The following BRPF1 variants were observed in gnomAD, a reference collection of about 807,000 sequenced individuals.
The protein encoded by BRPF1 is bromodomain and PHD finger containing 1, also known as peregrin.
BRPF1 carries 15 observed loss-of-function variants against 115.0 expected under a neutral mutation model. That is an observed-to-expected ratio of 0.13 (90% confidence interval 0.09 to 0.20). The LOEUF (loss-of-function observed/expected upper bound fraction) is 0.20. BRPF1 is among the 10% of genes least tolerant of loss of function. The pLI, the probability that BRPF1 is intolerant of heterozygous loss-of-function variation, is 1.00. For synonymous variants in BRPF1, 647 were observed against 619.8 expected, an observed-to-expected ratio of 1.04 and a Z score of -0.65; for missense variants, 1,118 against 1,638.3, an observed-to-expected ratio of 0.68 and a Z score of 5.48.
At position 9,739,046 on chromosome 3, in the gene BRPF1, A is replaced by G; in HGVS notation, c.647A>G (p.Asp216Gly). 1 of 1,605,842 alleles carries G rather than the reference A, an allele frequency of 6.2e-7. No homozygotes were observed. The highest frequency in any genetic ancestry group is 8.5e-7 in the Non-Finnish European group (1 of 1,174,594). Residue 216 changes from aspartate (D) to glycine (G), a missense_variant, in exon 3 of 14, where the codon GAC becomes GGC. Physicochemically the swap from Asp to Gly is moderately conservative, Grantham distance 94. This residue lies in a region of BRPF1 where 280 missense variants were observed against 382.8 expected (regional missense o/e 0.73). Transcript: ENST00000383829. ...GAGCTGGACGAGGAAGTAGAGTATG[A>G]CATGGACGAGGAGGACTACATCTGG... Reference protein sequence around the residue: ...AEELDEEVEYDMDEEDYIWLD... With the variant: ...AEELDEEVEYGMDEEDYIWLD...
rs768593678 is a variant in BRPF1, at chr3:9,738,999, G to A, written c.600G>A (p.Arg200=). 4 of 1,556,310 alleles carry A rather than the reference G, an allele frequency of 2.6e-6. No homozygotes were observed. The highest frequency in any genetic ancestry group is 1.7e-6 in the Non-Finnish European group (2 of 1,149,484). ...GCTGAGTTCCCTGTTTGTACCGTAG[G>A]TACATCGAGAAGTCTGCAGAGGAGC... ...DAPPRPTSYY[R]YIEKSAEELD... The change falls in exon 3 of 14, where the codon CGG becomes CGA. Residue 200 remains arginine, a splice_region_variant and synonymous_variant. Transcript: ENST00000383829.
In BRPF1 at chr3:9,743,807, C is replaced by G; in HGVS notation, c.2541C>G (p.Ser847Arg). The G allele has an allele frequency of 6.2e-7, 1 of 1,611,254 alleles. No homozygotes were observed. The highest frequency in any genetic ancestry group is 2.2e-5 in the East Asian group (1 of 44,794). ...RDGPERHGPS[S>R]RGSLTPHPAA... ...GCCCTGAGCGGCATGGCCCCTCGAG[C>G]CGGGGTAGTCTGACACCCCACCCGG... Residue 847 changes from serine (S) to arginine (R), a missense_variant, in exon 8 of 14, where the codon AGC becomes AGG. Ser to Arg is a moderately radical substitution (Grantham distance 110, BLOSUM62 -1). Around this residue, in one of 10 missense-constraint regions of BRPF1, gnomAD observed 223 missense variants for 240.7 expected, o/e 0.93. Coordinates refer to ENST00000383829, the MANE Select transcript of BRPF1 (RefSeq NM_001003694.2). This position sits in a 1 kb window ranked among gnomAD's most constrained non-coding sequence, Gnocchi z 6.1.
chr3:9,743,999 T>C lies in BRPF1; in HGVS notation c.2635+98T>C. Reference sequence around the variant, plus strand: ...CCATTCCCCAGGCAGAGGTCCCTCCTACACAGCTAGCTGTACTTTCTCCCT... The same window carrying C: ...CCATTCCCCAGGCAGAGGTCCCTCCCACACAGCTAGCTGTACTTTCTCCCT... On this transcript the variant is annotated intron_variant, in intron 8 of 13. Transcript: ENST00000383829. The surrounding 1 kb of genome is among the most constrained non-coding windows in gnomAD (Gnocchi z 6.1). The C allele has an allele frequency of 7.1e-7, 1 of 1,403,626 alleles. No homozygotes were observed. Among genetic ancestry groups the C allele is most frequent in the Non-Finnish European group, 9.6e-7 (1 of 1,046,360 alleles). The allele number at this position is 1,403,626 out of a possible 1,614,324, so 86.9% of individuals were successfully genotyped here. A position where few individuals can be genotyped will look rare whatever the true frequency, so the allele number is the denominator to read the frequency against.
chr3:9,745,439 A>G lies in BRPF1; in HGVS notation c.3069-134A>G. On this transcript the variant is annotated intron_variant, in intron 10 of 13. Transcript: ENST00000383829. This position sits in a 1 kb window ranked among gnomAD's most constrained non-coding sequence, Gnocchi z 5.1. ...CAGCCTAGCCCCTGTGGGTGTTTGA[A>G]TTTGAAATTCCTCATATAGCCTCTG... The G allele has an allele frequency of 8.6e-7, 1 of 1,162,224 alleles. No individual in the cohort carries two copies. The highest frequency in any genetic ancestry group is 1.2e-6 in the Non-Finnish European group (1 of 809,898). The allele number at this position is 1,162,224 out of a possible 1,614,324, so 72.0% of individuals were successfully genotyped here. A position where few individuals can be genotyped will look rare whatever the true frequency, so the allele number is the denominator to read the frequency against.
chr3:9,736,973 T>C (rs2076952917), intron 2 of BRPF1, among the ~76,000 whole-genome samples: 2 of 152,180 alleles, frequency 1.3e-5, no homozygotes, highest in African/African-American at 4.8e-5. Flanking sequence ...TTATGCACCA[T>C]CACATAATGT....
rs758572778 is a variant in BRPF1 at position 9,743,118 on chromosome 3, C to T, written c.2176C>T (p.Arg726Trp). 2.5e-6 allele frequency: 4 copies of T among 1,614,250 alleles called. No individual in the cohort carries two copies. The highest frequency in any genetic ancestry group is 3.4e-6 in the Non-Finnish European group (4 of 1,180,044). Residue 726 changes from arginine (R) to tryptophan (W), a missense_variant, in exon 7 of 14, where the codon CGG becomes TGG. By Grantham distance (101) the Arg-to-Trp change is moderately radical (BLOSUM62 -3). Around this residue, in one of 10 missense-constraint regions of BRPF1, gnomAD observed 223 missense variants for 240.7 expected, o/e 0.93. Transcript: ENST00000383829. This position sits in a 1 kb window ranked among gnomAD's most constrained non-coding sequence, Gnocchi z 6.1. ...CACCATCTTCTACCGGGCAGCAGTGCGGCTTCGTGAGCAGGGTGGTGCTGT... is the reference window on the plus strand; with the variant it reads ...CACCATCTTCTACCGGGCAGCAGTGTGGCTTCGTGAGCAGGGTGGTGCTGT... ...KDTIFYRAAV[R>W]LREQGGAVLR...
chr3:9,736,075 G>A (rs1156332976), intron 2 of BRPF1, among the ~76,000 whole-genome samples: 3 of 122,924 alleles, frequency 2.4e-5, no homozygotes, highest in Non-Finnish European at 4.7e-5. Flanking sequence ...GCAGTGGCGT[G>A]ATCTCGGCTC....
chr3:9,740,997 C>T, intron 4 of BRPF1, 56 bp downstream of exon 4: 2 of 1,542,618 alleles, frequency 1.3e-6, no homozygotes, highest in African/African-American at 2.7e-5. Flanking sequence ...GGACGAAAAC[C>T]AAAATTTGCA....
At position 9,741,417 on chromosome 3, in the gene BRPF1, G is replaced by A; in HGVS notation, c.1832G>A (p.Arg611Gln). Reference protein sequence around the residue: ...ARLLVELIRKREKLKRETIKV... With the variant: ...ARLLVELIRKQEKLKRETIKV... ...CTGCTCGTGGAATTGATCCGCAAGCGGGAAAAACTCAAAAGGGAGACGGTG... is the reference window on the plus strand; with the variant it reads ...CTGCTCGTGGAATTGATCCGCAAGCAGGAAAAACTCAAAAGGGAGACGGTG... The change falls in exon 5 of 14, where the codon CGG becomes CAG. Residue 611 changes from arginine to glutamine, a missense_variant. Physicochemically the swap from Arg to Gln is conservative, Grantham distance 43. Coordinates refer to ENST00000383829, the MANE Select transcript of BRPF1 (RefSeq NM_001003694.2). 1 of 1,601,476 alleles carries A rather than the reference G, an allele frequency of 6.2e-7. No homozygotes were observed.
Position 9,743,327 on chromosome 3 carries a change from G to A in BRPF1, c.2311+74G>A. ...ACAGCTTTCCAAAAGTCCCCTCCTG[G>A]GAGCAGGCAGTGTAGGCAGAAAGCA... On this transcript the variant is annotated intron_variant, in intron 7 of 13. Transcript: ENST00000383829. This position sits in a 1 kb window ranked among gnomAD's most constrained non-coding sequence, Gnocchi z 6.1. 1 of 1,526,354 alleles carries A rather than the reference G, an allele frequency of 6.6e-7. No homozygotes were observed. The highest frequency in any genetic ancestry group is 8.8e-7 in the Non-Finnish European group (1 of 1,132,662). The allele number at this position is 1,526,354 out of a possible 1,614,324, so 94.6% of individuals were successfully genotyped here.
At position 9,743,771 on chromosome 3, in the gene BRPF1, G is replaced by A. The variant is rs529205829; in HGVS notation, c.2505G>A (p.Thr835=). The change falls in exon 8 of 14, where the codon ACG becomes ACA. Residue 835 remains threonine (T), a synonymous_variant. Transcript: ENST00000383829. The surrounding 1 kb of genome is among the most constrained non-coding windows in gnomAD (Gnocchi z 6.1). ...GGAAGCTTGCCCATCAGCGAGAGAC[G>A]GGACGTGATGGCCCTGAGCGGCATG... The part of the protein sequence containing the change: ...LRRKLAHQRE[T]GRDGPERHGP... 32 of 1,614,156 alleles carry A rather than the reference G, an allele frequency of 2.0e-5. No individual in the cohort carries two copies. Among genetic ancestry groups the A allele is most frequent in the South Asian group, 1.6e-4 (15 of 91,088 alleles).
At position 9,737,510 on chromosome 3, in the gene BRPF1, C is replaced by T. The variant is rs560726558; in HGVS notation, c.600-1489C>T. On this transcript the variant is annotated intron_variant, in intron 2 of 13. Coordinates refer to ENST00000383829, the MANE Select transcript of BRPF1 (RefSeq NM_001003694.2). ...GCTCAGGGAGCTTAGCTCACTTGCC[C>T]TCTGTTAGACAGCACCCAGGCAGTG... is the stretch of plus-strand genomic sequence containing the variant. 3.2e-4 allele frequency among the ~76,000 whole-genome samples: 48 copies of T among 152,334 alleles called. No homozygotes were observed. In the East Asian group the frequency reaches 8.3e-3, roughly 26 times the overall value.
chr3:9,732,574 G>A (rs1344005721), intron 1 of BRPF1: 1 of 152,286 alleles, frequency 6.6e-6, no homozygotes, highest in African/African-American at 2.4e-5. Flanking sequence ...GGGTTCCAAG[G>A]GGAGATTGCT....
chr3:9,739,648 G>A lies in BRPF1; in HGVS notation c.1249G>A (p.Ala417Thr). 1 of 1,611,658 alleles carries A rather than the reference G, an allele frequency of 6.2e-7. No homozygotes were observed. The highest frequency in any genetic ancestry group is 8.5e-7 in the Non-Finnish European group (1 of 1,177,858). Residue 417 changes from alanine (A) to threonine (T), a missense_variant, in exon 3 of 14, where the codon GCT becomes ACT. Ala to Thr is a moderately conservative substitution (Grantham distance 58). Transcript: ENST00000383829. ...TAFHVTCAQQ[A>T]GLYMKMEPVR... Reference sequence around the variant, plus strand: ...TTTCCATGTGACATGCGCCCAGCAGGCTGGCCTTTACATGAAGATGGAGCC... The same window carrying A: ...TTTCCATGTGACATGCGCCCAGCAGACTGGCCTTTACATGAAGATGGAGCC...
At chr3:9,735,275 A>C (rs2076921485) in intron 2 of BRPF1, among the ~76,000 whole-genome samples, 1 of 152,110 alleles carries the variant, frequency 6.6e-6, no homozygotes, top group South Asian at 2.1e-4. Context: ...AGCCTCCCAA[A>C]GTGCTGGGAT....
intron 9 of BRPF1, 129 bp from the exon 10 acceptor site, chr3:9,744,879 G>A: frequency 1.6e-6 from 2 of 1,285,352 alleles, no homozygotes; most frequent in South Asian, 2.4e-5. Flanking sequence ...TAGCTCTGCT[G>A]GCCAAGGTTG....
rs777903048 is a variant in BRPF1, at chr3:9,747,724, G to C, written c.*375G>C. 1 of 183,166 alleles carries C rather than the reference G, an allele frequency of 5.5e-6. No homozygotes were observed. The highest frequency in any genetic ancestry group is 1.2e-5 in the Non-Finnish European group (1 of 86,114). The allele number at this position is 183,166 out of a possible 1,614,324, so 11.3% of individuals were successfully genotyped here. ...GCCTAGAGGCCTGGGGCCCCTACCG[G>C]TCGTGAGGTGAGTGGGCATCTGTCC... On this transcript the variant is annotated 3_prime_UTR_variant, in exon 14 of 14. Transcript: ENST00000383829. The surrounding 1 kb of genome is among the most constrained non-coding windows in gnomAD (Gnocchi z 5.6).
chr3:9,741,521 C>T (rs1467509989), intron 5 of BRPF1, 82 bp downstream of exon 5: 17 of 1,394,096 alleles, frequency 1.2e-5, no homozygotes, highest in Non-Finnish European at 1.5e-5. Flanking sequence ...CCTGTAGTCC[C>T]AGCTACTCGG....
chr3:9,747,025 T>C lies in BRPF1; in HGVS notation c.3480-141T>C, dbSNP rs1353693108. On this transcript the variant is annotated intron_variant, in intron 13 of 13. Coordinates refer to ENST00000383829, the MANE Select transcript of BRPF1 (RefSeq NM_001003694.2). This position sits in a 1 kb window ranked among gnomAD's most constrained non-coding sequence, Gnocchi z 5.6. ...ACTGGGCTCTTTCATCTCTAGACCATGAACAGTCCTTTGAGGGCAGGGACC... is the reference window on the plus strand; with the variant it reads ...ACTGGGCTCTTTCATCTCTAGACCACGAACAGTCCTTTGAGGGCAGGGACC... 3.3e-6 allele frequency: 3 copies of C among 922,160 alleles called. No homozygotes were observed. Among genetic ancestry groups the C allele is most frequent in the East Asian group, 2.4e-5 (1 of 41,456 alleles). 57.1% of individuals were successfully genotyped at this position (922,160 alleles called of 1,614,324 possible).
Sources: gnomAD v4.1 joint callset for allele counts (sites outside exome capture counted in the v4.1 genomes callset) on GRCh38, gnomAD v4.1.1 for gene constraint, gnomAD v4.1.1 regional missense constraint, Gnocchi (gnomAD v3.1) non-coding constraint, MANE v1.5 for transcripts, NCBI Gene and HGNC (gene_info 2026-07-23, HGNC 2026-07-21) for gene names.